The following PTPRM variants were observed in gnomAD, a reference collection of about 807,000 sequenced individuals.
The protein encoded by PTPRM is protein tyrosine phosphatase receptor type M, also known as receptor-type tyrosine-protein phosphatase mu.
A neutral mutation model predicts 186.7 loss-of-function variants in PTPRM; 47 were observed. That is an observed-to-expected ratio of 0.25 (90% CI 0.20 to 0.32). PTPRM has a LOEUF of 0.32. Ranked by LOEUF, PTPRM falls within the 10% of genes least tolerant of loss-of-function variation. The pLI is 1.00. For synonymous variants in PTPRM, 668 were observed against 674.9 expected, an observed-to-expected ratio of 0.99 and a Z score of 0.16; for missense variants, 1,494 against 1,865.0, an observed-to-expected ratio of 0.80 and a Z score of 3.66.
At chr18:7,951,340 T>A (rs2052939834) in intron 6 of PTPRM, among the ~76,000 whole-genome samples, 1 of 152,234 alleles carries the variant, frequency 6.6e-6, no homozygotes, top group African/African-American at 2.4e-5. Context: ...TTTTTGATTA[T>A]TTTTCCTTTT....
chr18:7,608,000 C>T (rs1320235519), intron 1 of PTPRM, among the ~76,000 whole-genome samples: 5 of 152,238 alleles, frequency 3.3e-5, no homozygotes, highest in African/African-American at 1.2e-4. Context: ...TCCTGCTCTA[C>T]AGGATCTCTC....
At chr18:8,074,580 T>C (rs1449004587) in intron 8 of PTPRM, among the ~76,000 whole-genome samples, 1 of 152,182 alleles carries the variant, frequency 6.6e-6, no homozygotes, top group Non-Finnish European at 1.5e-5. Context: ...TATCATGTCT[T>C]TTCGTTATAG....
intron 9 of PTPRM, among the ~76,000 whole-genome samples, chr18:8,078,905 G>C (rs1055871048): frequency 6.6e-6 from 1 of 152,126 alleles, no homozygotes; most frequent in African/African-American, 2.4e-5. Context: ...GCCCAAAGCC[G>C]TTCACGAAGG....
intron 2 of PTPRM, among the ~76,000 whole-genome samples, chr18:7,802,403 T>G (rs1374125945): frequency 1.3e-5 from 2 of 152,164 alleles, no homozygotes; most frequent in African/African-American, 4.8e-5. Context: ...CCACATCACC[T>G]AGGCAAGGTT....
At chr18:7,706,619 A>AC (rs1454506328) in intron 1 of PTPRM, among the ~76,000 whole-genome samples, 4 of 147,714 alleles carry the variant, frequency 2.7e-5, no homozygotes, top group African/African-American at 1.0e-4. Context: ...AAAAAAAAAA[A>AC]AAAAAAAAAA....
intron 23 of PTPRM, among the ~76,000 whole-genome samples, chr18:8,354,971 G>A (rs924536667): frequency 2.6e-5 from 4 of 152,186 alleles, no homozygotes; most frequent in Non-Finnish European, 4.4e-5. Flanking sequence ...GAGTAACTGG[G>A]AGTCTGAAAA....
intron 20 of PTPRM, among the ~76,000 whole-genome samples, chr18:8,312,043 T>C (rs2095272697): frequency 6.6e-6 from 1 of 152,140 alleles, no homozygotes; most frequent in African/African-American, 2.4e-5. Flanking sequence ...TTGCCTGCCT[T>C]TTGAAAACCT....
At chr18:8,069,413 G>T in intron 7 of PTPRM, among the ~76,000 whole-genome samples, 1 of 152,204 alleles carries the variant, frequency 6.6e-6, no homozygotes, top group East Asian at 1.9e-4. Flanking sequence ...TGCCTTTTAA[G>T]AACACCTCTC....
At chr18:8,352,632 C>CTTTTTTTTTT (rs58235619) in intron 23 of PTPRM, among the ~76,000 whole-genome samples, 1 of 130,448 alleles carries the variant, frequency 7.7e-6, no homozygotes, top group East Asian at 2.3e-4. Context: ...TTTTTCTTTT[C>CTTTTTTTTTT]TTTTTTTTTT....
At chr18:8,374,796 G>A (rs2095685225) in intron 24 of PTPRM, among the ~76,000 whole-genome samples, 2 of 152,266 alleles carry the variant, frequency 1.3e-5, no homozygotes, top group Non-Finnish European at 1.5e-5. Flanking sequence ...TGCCAAGGAA[G>A]TCTTATCTCG....
chr18:8,206,175 C>T (rs9958544), intron 14 of PTPRM, among the ~76,000 whole-genome samples: 84,413 of 151,702 alleles, frequency 0.56, 23,994 homozygotes, highest in East Asian at 0.84. Context: ...GTAGTAGAAG[C>T]AGAGAGAAAT....
At chr18:8,143,913 AT>A (rs1428248202) in intron 14 of PTPRM, 134 bp downstream of exon 14, 4 of 1,178,368 alleles carry the variant, frequency 3.4e-6, no homozygotes, top group Middle Eastern at 2.7e-4. Context: ...GATTGTTAAC[AT>A]TTTTCATCAT....
chr18:8,322,909 T>A (rs778939536), intron 22 of PTPRM, among the ~76,000 whole-genome samples: 3 of 152,154 alleles, frequency 2.0e-5, no homozygotes, highest in Non-Finnish European at 4.4e-5. Context: ...AGCATCGAAC[T>A]CCTGGGCTCA....
At chr18:8,391,524 C>G (rs1342486927) in intron 31 of PTPRM, among the ~76,000 whole-genome samples, 4 of 152,298 alleles carry the variant, frequency 2.6e-5, no homozygotes, top group African/African-American at 9.6e-5. Context: ...TTACACAAAG[C>G]TGAAAAACAG....
intron 22 of PTPRM, among the ~76,000 whole-genome samples, chr18:8,340,104 C>T (rs942757797): frequency 1.3e-5 from 2 of 152,196 alleles, no homozygotes; most frequent in Non-Finnish European, 2.9e-5. Flanking sequence ...ACCACAGTGA[C>T]CAGGCCAGGG....
intron 1 of PTPRM, among the ~76,000 whole-genome samples, chr18:7,703,092 A>G (rs2040001255): frequency 6.6e-6 from 1 of 152,164 alleles, no homozygotes; most frequent in Admixed American, 6.5e-5. Context: ...CTTGTAGTAT[A>G]GTTTGAAGTC....
intron 3 of PTPRM, among the ~76,000 whole-genome samples, chr18:7,895,506 C>G (rs2049306903): frequency 6.6e-6 from 1 of 152,200 alleles, no homozygotes; most frequent in African/African-American, 2.4e-5. Flanking sequence ...TCATACAGCA[C>G]TGCAAGGTGA....
chr18:7,632,645 C>T (rs190858145), intron 1 of PTPRM, among the ~76,000 whole-genome samples: 1 of 152,292 alleles, frequency 6.6e-6, no homozygotes, highest in African/African-American at 2.4e-5. Context: ...TGTAAAATTC[C>T]AGCCATCAAC....
intron 31 of PTPRM, among the ~76,000 whole-genome samples, chr18:8,390,898 A>G (rs2095807229): frequency 6.6e-6 from 1 of 151,526 alleles, no homozygotes; most frequent in African/African-American, 2.4e-5. Flanking sequence ...ACTGCACTCT[A>G]GCCTGGGCGA....
Sources: allele counts gnomAD v4.1 joint callset (sites outside exome capture counted in the v4.1 genomes callset), GRCh38; gene constraint gnomAD v4.1.1; transcripts MANE v1.5; gene names NCBI Gene and HGNC (gene_info 2026-07-23, HGNC 2026-07-21).